Variants in AP3B1 observed in about 807,000 individuals in gnomAD.
The protein encoded by AP3B1 is AP-3 complex subunit beta-1.
A neutral mutation model predicts 132.5 loss-of-function variants in AP3B1; 61 were observed. The ratio of observed to expected loss-of-function variants is 0.46; its 90% confidence interval spans 0.37 to 0.57. AP3B1 has a LOEUF of 0.57. AP3B1 is among the 20% of genes least tolerant of loss of function. The pLI is 0.00. For missense variants in AP3B1, 1,120 were observed against 1,289.4 expected, an observed-to-expected ratio of 0.87 and a Z score of 2.01; for synonymous variants, 388 against 438.3, an observed-to-expected ratio of 0.89 and a Z score of 1.43.
intron 17 of AP3B1, chr5:78,121,748 C>T (rs1042864916): frequency 3.9e-5 from 6 of 152,182 alleles, no homozygotes; most frequent in African/African-American, 1.4e-4. Context: ...GGATTCACAG[C>T]CGAATTCTAC....
intron 11 of AP3B1, among the ~76,000 whole-genome samples, chr5:78,166,406 C>T (rs1378363300): frequency 6.6e-6 from 1 of 151,998 alleles, no homozygotes; most frequent in Non-Finnish European, 1.5e-5. Context: ...AGTTAGAAAA[C>T]AATTTGCCCT....
At chr5:78,207,190 G>A (rs1435268578) in intron 7 of AP3B1, among the ~76,000 whole-genome samples, 7 of 151,484 alleles carry the variant, frequency 4.6e-5, no homozygotes, top group South Asian at 4.2e-4. Flanking sequence ...TCCGGGAGGC[G>A]GAGATTGCAG....
chr5:78,131,844 A>C (rs1752703113), intron 15 of AP3B1, among the ~76,000 whole-genome samples: 2 of 152,274 alleles, frequency 1.3e-5, no homozygotes, highest in African/African-American at 4.8e-5. Flanking sequence ...TATTTGCTAA[A>C]ATTTTTCAAA....
intron 1 of AP3B1, among the ~76,000 whole-genome samples, chr5:78,290,476 A>G (rs1469519705): frequency 1.3e-5 from 2 of 152,220 alleles, no homozygotes; most frequent in Non-Finnish European, 2.9e-5. Context: ...AGAAAAATTA[A>G]TTAGTCTTGT....
At chr5:78,021,081 C>G (rs1747076249) in intron 24 of AP3B1, among the ~76,000 whole-genome samples, 1 of 150,734 alleles carries the variant, frequency 6.6e-6, no homozygotes, top group Non-Finnish European at 1.5e-5. Context: ...TGTATATAAC[C>G]ACTACCACCA....
chr5:78,105,279 A>G (rs1183723925), intron 20 of AP3B1, among the ~76,000 whole-genome samples: 1 of 152,190 alleles, frequency 6.6e-6, no homozygotes, highest in African/African-American at 2.4e-5. Context: ...CTAACAACGT[A>G]GCTGAAATAA....
At chr5:78,056,122 A>G (rs569913650) in intron 22 of AP3B1, among the ~76,000 whole-genome samples, 2 of 152,342 alleles carry the variant, frequency 1.3e-5, no homozygotes, top group Admixed American at 1.3e-4. Context: ...GACATGCTGA[A>G]AAGACTAATG....
chr5:78,118,368 G>A (rs1465734048), intron 17 of AP3B1, among the ~76,000 whole-genome samples: 1 of 152,332 alleles, frequency 6.6e-6, no homozygotes, highest in Non-Finnish European at 1.5e-5. Context: ...GCCGGAGCAG[G>A]ATGAGGCATT....
Position 78,216,040 on chromosome 5 carries a change from C to G in AP3B1, c.786+15G>C, listed in dbSNP as rs559883454. 9 of 1,613,600 alleles carry G rather than the reference C, an allele frequency of 5.6e-6. No individual in the cohort carries two copies. In the East Asian group the frequency reaches 1.6e-4, roughly 28 times the overall value. On this transcript the variant is annotated intron_variant, in intron 7 of 26. Transcript: ENST00000255194. The stretch of plus-strand genomic sequence containing the variant: ...TCTTAGTATACTTGAAAGTGGAAGA[C>G]TGTTCAACACTTACCTCTTTCCAAG...
At chr5:78,041,004 G>T (rs1748057813) in intron 22 of AP3B1, among the ~76,000 whole-genome samples, 1 of 152,150 alleles carries the variant, frequency 6.6e-6, no homozygotes, top group Non-Finnish European at 1.5e-5. Context: ...GCCAGGCGCG[G>T]TGGCTCACGC....
chr5:78,114,712 T>G (rs1414399911), intron 18 of AP3B1, among the ~76,000 whole-genome samples: 2 of 152,184 alleles, frequency 1.3e-5, no homozygotes, highest in Non-Finnish European at 2.9e-5. Context: ...GAAGCCCTCT[T>G]AGGCAGGAAC....
intron 21 of AP3B1, among the ~76,000 whole-genome samples, chr5:78,090,456 ACT>A (rs1424601770): frequency 6.6e-6 from 1 of 151,950 alleles, no homozygotes; most frequent in Admixed American, 6.6e-5. Context: ...TTTATATTCT[ACT>A]CTGTTTGCCT....
In AP3B1 at chr5:78,260,865, T is replaced by G. The variant is rs531304918; in HGVS notation, c.204+6655A>C. 3.0e-4 allele frequency among the ~76,000 whole-genome samples: 45 copies of G among 151,706 alleles called. 1 individual carries two copies. The highest frequency in any genetic ancestry group is 5.8e-4 in the East Asian group (3 of 5,158). On this transcript the variant is annotated intron_variant, in intron 2 of 26. Transcript: ENST00000255194. ...GATAAAAGTGGAATCATACAATTTT[T>G]TGTGTGTGTGTGTCTGGCTTATTTG... is the stretch of plus-strand genomic sequence containing the variant.
chr5:78,057,018 T>C (rs567436938), intron 22 of AP3B1, among the ~76,000 whole-genome samples: 1 of 152,298 alleles, frequency 6.6e-6, no homozygotes, highest in East Asian at 1.9e-4. Context: ...TAGAACATAG[T>C]TTCATTTTTA....
intron 19 of AP3B1, among the ~76,000 whole-genome samples, 179 bp from the exon 20 acceptor site, chr5:78,110,533 T>A (rs1156473825): frequency 6.6e-6 from 1 of 152,038 alleles, no homozygotes; most frequent in Non-Finnish European, 1.5e-5. Context: ...AAATTTCAAA[T>A]GCAAAAAGTC....
chr5:78,089,566 T>G, intron 21 of AP3B1, 67 bp from the exon 22 acceptor site: 1 of 1,002,112 alleles, frequency 1.0e-6, no homozygotes, highest in Middle Eastern at 2.1e-4. Context: ...AAAGCAACAT[T>G]TTTATTTTGT....
At chr5:78,275,377 C>G (rs1748728497) in intron 1 of AP3B1, among the ~76,000 whole-genome samples, 1 of 152,078 alleles carries the variant, frequency 6.6e-6, no homozygotes, top group Non-Finnish European at 1.5e-5. Flanking sequence ...AATAATTTTA[C>G]ATTTATATGC....
chr5:78,128,441 G>A (rs1038258677), intron 16 of AP3B1, among the ~76,000 whole-genome samples: 2 of 152,070 alleles, frequency 1.3e-5, no homozygotes, highest in African/African-American at 4.8e-5. Flanking sequence ...TATTAAGAAT[G>A]ACAGCACAGT....
At chr5:78,199,646 G>A (rs548826963) in intron 7 of AP3B1, among the ~76,000 whole-genome samples, 1 of 152,128 alleles carries the variant, frequency 6.6e-6, no homozygotes, top group Non-Finnish European at 1.5e-5. Context: ...CTCCTCTAGG[G>A]CATAAAAACA....
Sources: allele counts gnomAD v4.1 joint callset (sites outside exome capture counted in the v4.1 genomes callset), GRCh38; gene constraint gnomAD v4.1.1; transcripts MANE v1.5; gene names NCBI Gene and HGNC (gene_info 2026-07-23, HGNC 2026-07-21).